The following EFNA5 variants were observed in gnomAD, a reference collection of about 807,000 sequenced individuals.
EFNA5 encodes ephrin-A5.
Under a neutral mutation model 22.9 loss-of-function variants are expected in EFNA5, and 5 were observed. That is an observed-to-expected ratio of 0.22 (90% CI 0.11 to 0.46). EFNA5 has a LOEUF of 0.46. EFNA5 is among the 20% of genes least tolerant of loss of function. EFNA5 has a pLI of 0.99. For synonymous variants in EFNA5, 113 were observed against 112.2 expected (o/e 1.01, Z -0.04); for missense variants, 237 against 293.3 (o/e 0.81, Z 1.40).
At chr5:107,453,753 G>A (rs1310446980) in intron 1 of EFNA5, among the ~76,000 whole-genome samples, 2 of 152,176 alleles carry the variant, frequency 1.3e-5, no homozygotes, top group Non-Finnish European at 2.9e-5. Context: ...AGCAGGTGGA[G>A]CGGAGGAGGT....
intron 1 of EFNA5, among the ~76,000 whole-genome samples, chr5:107,621,650 G>A (rs1390902205): frequency 6.6e-6 from 1 of 152,172 alleles, no homozygotes; most frequent in Non-Finnish European, 1.5e-5. Context: ...TTATTCTTAT[G>A]TGTAAATAGG....
intron 1 of EFNA5, among the ~76,000 whole-genome samples, chr5:107,651,624 C>T (rs983697451): frequency 6.8e-6 from 1 of 147,472 alleles, no homozygotes; most frequent in Non-Finnish European, 1.5e-5. Flanking sequence ...TTCCGTTTTA[C>T]ACATTAGACT....
intron 1 of EFNA5, among the ~76,000 whole-genome samples, chr5:107,656,378 A>C (rs1278546809): frequency 6.6e-6 from 1 of 152,158 alleles, no homozygotes; most frequent in East Asian, 1.9e-4. Flanking sequence ...ATAAAACCTA[A>C]AATGTAAATT....
intron 1 of EFNA5, among the ~76,000 whole-genome samples, chr5:107,615,866 A>T (rs1429578549): frequency 6.6e-6 from 1 of 152,236 alleles, no homozygotes; most frequent in Non-Finnish European, 1.5e-5. Context: ...GTCAGAAGTT[A>T]GACACACACA....
intron 1 of EFNA5, among the ~76,000 whole-genome samples, chr5:107,508,913 T>G (rs966241339): frequency 3.3e-5 from 5 of 152,244 alleles, no homozygotes; most frequent in Non-Finnish European, 5.9e-5. Context: ...ACTTATTTAC[T>G]TATTGCAGTG....
rs886342582 is a variant in EFNA5 at position 107,670,740 on chromosome 5, G to T, written c.-127C>A. On this transcript the variant is annotated 5_prime_UTR_variant, in exon 1 of 5. Coordinates refer to ENST00000333274, the MANE Select transcript of EFNA5 (RefSeq NM_001962.3). Reference sequence around the variant, plus strand: ...CAAATAAATATGAATAAATAAAAATGAAAGTGGGCGAGAAAGGAAAGAGGC... The same window carrying T: ...CAAATAAATATGAATAAATAAAAATTAAAGTGGGCGAGAAAGGAAAGAGGC... 3.6e-6 allele frequency: 5 copies of T among 1,373,348 alleles called. No homozygotes were observed. Among genetic ancestry groups the T allele is most frequent in the Non-Finnish European group, 4.9e-6 (5 of 1,021,026 alleles). 85.1% of individuals were successfully genotyped at this position (1,373,348 alleles called of 1,614,324 possible). A position where few individuals can be genotyped will look rare whatever the true frequency, so the allele number is the denominator to read the frequency against.
chr5:107,465,701 G>C (rs909931576), intron 1 of EFNA5, among the ~76,000 whole-genome samples: 2 of 152,090 alleles, frequency 1.3e-5, no homozygotes, highest in Non-Finnish European at 2.9e-5. Context: ...GACAGTCTTT[G>C]TTCAATCTCT....
chr5:107,596,989 G>A (rs1364038701), intron 1 of EFNA5, among the ~76,000 whole-genome samples: 1 of 152,130 alleles, frequency 6.6e-6, no homozygotes, highest in African/African-American at 2.4e-5. Flanking sequence ...TAATAACTGT[G>A]TGGCTTTGAG....
chr5:107,578,104 C>T (rs549799165), intron 1 of EFNA5, among the ~76,000 whole-genome samples: 6 of 152,262 alleles, frequency 3.9e-5, no homozygotes, highest in Non-Finnish European at 7.4e-5. Context: ...CAAATTGGCA[C>T]CTTTGACATA....
chr5:107,646,582 C>A (rs895126105), intron 1 of EFNA5, among the ~76,000 whole-genome samples: 1 of 152,036 alleles, frequency 6.6e-6, no homozygotes, highest in African/African-American at 2.4e-5. Context: ...CTAGTTCTTC[C>A]TTTTACAAAT....
chr5:107,581,734 G>C (rs1318149533), intron 1 of EFNA5, among the ~76,000 whole-genome samples: 1 of 152,150 alleles, frequency 6.6e-6, no homozygotes, highest in Non-Finnish European at 1.5e-5. Flanking sequence ...GTGTAAATGG[G>C]AACAGGGAGT....
intron 1 of EFNA5, among the ~76,000 whole-genome samples, chr5:107,482,618 TG>T (rs1750499052): frequency 6.6e-6 from 1 of 152,094 alleles, no homozygotes; most frequent in African/African-American, 2.4e-5. Context: ...GGAATTCCTC[TG>T]GGCCTTGTCG....
intron 1 of EFNA5, among the ~76,000 whole-genome samples, chr5:107,598,712 A>T (rs1203207286): frequency 6.6e-6 from 1 of 152,122 alleles, no homozygotes; most frequent in East Asian, 1.9e-4. Flanking sequence ...TATGACACTA[A>T]TTTTTTGCTC....
intron 1 of EFNA5, among the ~76,000 whole-genome samples, chr5:107,523,815 TG>T (rs1448227570): frequency 6.6e-6 from 1 of 152,206 alleles, no homozygotes; most frequent in Non-Finnish European, 1.5e-5. Context: ...TATATTTAGC[TG>T]GTAGGGAAGA....
intron 1 of EFNA5, among the ~76,000 whole-genome samples, chr5:107,608,424 T>G (rs983909265): frequency 6.6e-6 from 1 of 152,220 alleles, no homozygotes. Context: ...ATCGTAAAAA[T>G]TCACTGCTCA....
Position 107,424,403 on chromosome 5 carries a change from C to T in EFNA5, c.418+2814G>A, listed in dbSNP as rs565384984. Among the ~76,000 whole-genome samples the T allele has an allele frequency of 3.8e-3, 556 of 147,636 alleles. 3 individuals carry two copies. Among genetic ancestry groups the T allele is most frequent in the African/African-American group, 0.012 (481 of 40,084 alleles). ...TGTATTTTTTTTTTTTTTTTAGTAG[C>T]GATGGGGTTTCACTCTCTTGGCCAG... On this transcript the variant is annotated intron_variant, in intron 2 of 4. Coordinates refer to ENST00000333274, the MANE Select transcript of EFNA5 (RefSeq NM_001962.3).
At chr5:107,484,988 A>G (rs1409727587) in intron 1 of EFNA5, among the ~76,000 whole-genome samples, 1 of 152,072 alleles carries the variant, frequency 6.6e-6, no homozygotes, top group African/African-American at 2.4e-5. Flanking sequence ...ATGAAAAAAC[A>G]AAGCAGATTT....
chr5:107,465,198 C>G (rs898312376), intron 1 of EFNA5, among the ~76,000 whole-genome samples: 1 of 152,136 alleles, frequency 6.6e-6, no homozygotes, highest in Non-Finnish European at 1.5e-5. Flanking sequence ...TTACATTACA[C>G]CAGATTTCAC....
chr5:107,403,799 TC>T (rs367701262), intron 2 of EFNA5, among the ~76,000 whole-genome samples: 1 of 152,250 alleles, frequency 6.6e-6, no homozygotes, highest in African/African-American at 2.4e-5. Context: ...TAAATAGAAG[TC>T]ATTTGCATCT....
Sources: allele counts gnomAD v4.1 joint callset (sites outside exome capture counted in the v4.1 genomes callset), GRCh38; gene constraint gnomAD v4.1.1; transcripts MANE v1.5; gene names NCBI Gene and HGNC (gene_info 2026-07-23, HGNC 2026-07-21).